The following LRRIQ3 variants were observed in gnomAD, a reference collection of about 807,000 sequenced individuals.
LRRIQ3 encodes the protein leucine rich repeats and IQ motif containing 3.
LRRIQ3 carries 75 observed loss-of-function variants against 59.3 expected under a neutral mutation model. The ratio of observed to expected loss-of-function variants is 1.26; its 90% CI spans 1.05 to 1.53. LRRIQ3 has a LOEUF of 1.53. LRRIQ3 is among the 40% of genes most tolerant of loss of function. LRRIQ3 has a pLI of 0.00. For synonymous variants in LRRIQ3, 250 were observed against 231.3 expected (o/e 1.08, Z -0.73); for missense variants, 831 against 710.0 (o/e 1.17, Z -1.94).
intron 5 of LRRIQ3, among the ~76,000 whole-genome samples, chr1:74,103,069 C>T (rs968688020): frequency 6.6e-6 from 1 of 151,924 alleles, no homozygotes; most frequent in Non-Finnish European, 1.5e-5. Flanking sequence ...ATACTTCTAC[C>T]TAAGTAGACA....
At chr1:74,080,099 G>A (rs980701) in intron 5 of LRRIQ3, among the ~76,000 whole-genome samples, 1 of 151,512 alleles carries the variant, frequency 6.6e-6, no homozygotes, top group Non-Finnish European at 1.5e-5. Context: ...ACATAAACAT[G>A]TGGTAAGAAT....
At chr1:74,041,187 C>G (rs1347433255) in intron 7 of LRRIQ3, 26 bp downstream of exon 7, 2 of 1,479,442 alleles carry the variant, frequency 1.4e-6, no homozygotes, top group African/African-American at 2.8e-5. Context: ...ACTTTAATGC[C>G]TCTGTTATAT....
At chr1:74,188,611 T>C (rs1450731347) in intron 1 of LRRIQ3, among the ~76,000 whole-genome samples, 1 of 152,192 alleles carries the variant, frequency 6.6e-6, no homozygotes, top group African/African-American at 2.4e-5. Flanking sequence ...TATATGTTAT[T>C]ATTTAATGGC....
chr1:74,084,814 A>C (rs774142894), intron 5 of LRRIQ3, among the ~76,000 whole-genome samples: 1 of 151,758 alleles, frequency 6.6e-6, no homozygotes, highest in Non-Finnish European at 1.5e-5. Flanking sequence ...AGAATCTACT[A>C]TTCATTAATT....
At chr1:74,048,012 G>A (rs1300419751) in intron 6 of LRRIQ3, among the ~76,000 whole-genome samples, 1 of 152,124 alleles carries the variant, frequency 6.6e-6, no homozygotes, top group East Asian at 1.9e-4. Context: ...GCAAGATGGT[G>A]GTTTTCTAAA....
At chr1:74,118,687 T>G (rs1440090492) in intron 4 of LRRIQ3, among the ~76,000 whole-genome samples, 2 of 151,830 alleles carry the variant, frequency 1.3e-5, no homozygotes, top group South Asian at 4.1e-4. Flanking sequence ...AAAAAAAATA[T>G]AGAGATATAT....
intron 1 of LRRIQ3, among the ~76,000 whole-genome samples, chr1:74,184,375 A>G (rs1033491100): frequency 8.5e-5 from 13 of 152,142 alleles, no homozygotes; most frequent in African/African-American, 2.4e-4. Flanking sequence ...TCACTTATTA[A>G]GAGTAATTTC....
At chr1:74,069,241 A>T (rs183338017) in intron 6 of LRRIQ3, among the ~76,000 whole-genome samples, 1 of 152,152 alleles carries the variant, frequency 6.6e-6, no homozygotes, top group Admixed American at 6.6e-5. Context: ...ATGGCTATAG[A>T]AGATTGGCCC....
At chr1:74,160,694 T>C (rs1648610251) in intron 3 of LRRIQ3, among the ~76,000 whole-genome samples, 1 of 152,074 alleles carries the variant, frequency 6.6e-6, no homozygotes, top group African/African-American at 2.4e-5. Flanking sequence ...TTATCAACTA[T>C]TTCAGTTATG....
intron 4 of LRRIQ3, among the ~76,000 whole-genome samples, chr1:74,133,605 T>G (rs1348413994): frequency 6.6e-6 from 1 of 151,190 alleles, no homozygotes; most frequent in East Asian, 2.0e-4. Flanking sequence ...AGCAAACTAT[T>G]GCAAGGACGA....
intron 6 of LRRIQ3, among the ~76,000 whole-genome samples, chr1:74,065,328 A>G (rs553569784): frequency 1.3e-5 from 2 of 152,240 alleles, no homozygotes; most frequent in East Asian, 1.9e-4. Context: ...ATATTAAGGA[A>G]CAGTCTCCCC....
intron 5 of LRRIQ3, among the ~76,000 whole-genome samples, chr1:74,092,231 T>A (rs558708781): frequency 2.2e-4 from 34 of 152,216 alleles, no homozygotes; most frequent in African/African-American, 8.2e-4. Flanking sequence ...AGTCAGTCAC[T>A]AAGTACTGAG....
intron 3 of LRRIQ3, among the ~76,000 whole-genome samples, chr1:74,177,594 CTGA>C (rs1406016450): frequency 1.3e-5 from 2 of 151,544 alleles, no homozygotes; most frequent in East Asian, 3.9e-4. Flanking sequence ...TTTTAGTCTC[CTGA>C]TGTTTGTTTT....
intron 5 of LRRIQ3, chr1:74,084,057 A>C (rs1437335279): frequency 1.1e-6 from 1 of 887,520 alleles, no homozygotes; most frequent in Non-Finnish European, 1.6e-6. Context: ...CTTTACACTT[A>C]TCTTGTGTGT....
rs188557530 is a variant in LRRIQ3, at chr1:74,052,387, C to T, written c.998-10454G>A. 2.8e-3 allele frequency among the ~76,000 whole-genome samples: 431 copies of T among 152,200 alleles called. 2 individuals are homozygous for T. The highest frequency in any genetic ancestry group is 9.7e-3 in the African/African-American group (401 of 41,526). ...ACTTCATGGAAGTTACTCAAATTCA[C>T]GATGCCATAGTTTCTTCATCTATAA... On this transcript the variant is annotated intron_variant, in intron 6 of 7. Coordinates refer to ENST00000354431, the MANE Select transcript of LRRIQ3 (RefSeq NM_001105659.2).
At chr1:74,169,799 C>T (rs1351184349) in intron 3 of LRRIQ3, among the ~76,000 whole-genome samples, 1 of 152,140 alleles carries the variant, frequency 6.6e-6, no homozygotes, top group African/African-American at 2.4e-5. Context: ...ATCCTTCTGC[C>T]TCAGCCTCCC....
intron 5 of LRRIQ3, among the ~76,000 whole-genome samples, chr1:74,101,483 T>C (rs1044636644): frequency 2.0e-5 from 3 of 152,150 alleles, no homozygotes; most frequent in South Asian, 2.1e-4. Context: ...AGTTCAAGCA[T>C]TGTGGAAGAC....
intron 3 of LRRIQ3, among the ~76,000 whole-genome samples, chr1:74,169,207 C>A (rs570998779): frequency 3.9e-4 from 60 of 152,240 alleles, no homozygotes; most frequent in Admixed American, 1.2e-3. Context: ...TTTCACCTTG[C>A]AGAGTATCTT....
intron 6 of LRRIQ3, among the ~76,000 whole-genome samples, chr1:74,053,666 A>C (rs1654439970): frequency 6.6e-6 from 1 of 152,144 alleles, no homozygotes; most frequent in Admixed American, 6.6e-5. Context: ...CAGCCTGAGC[A>C]ACACAGCCAG....
Sources: allele counts gnomAD v4.1 joint callset (sites outside exome capture counted in the v4.1 genomes callset), GRCh38; gene constraint gnomAD v4.1.1; transcripts MANE v1.5; gene names NCBI Gene and HGNC (gene_info 2026-07-23, HGNC 2026-07-21).